SGMS1: variants seen among roughly 807,000 people sequenced by gnomAD.
The protein encoded by SGMS1 is phosphatidylcholine:ceramide cholinephosphotransferase 1.
A neutral mutation model predicts 46.2 loss-of-function variants in SGMS1; 13 were observed. The observed-to-expected ratio is 0.28, with a 90% confidence interval of 0.18 to 0.45. SGMS1 has a LOEUF of 0.45. SGMS1 is among the 20% of genes least tolerant of loss of function. The probability of loss-of-function intolerance (pLI) is 1.00; values close to 1 mark genes in which losing one functional copy is unlikely to be tolerated. For missense variants in SGMS1, 324 were observed against 519.9 expected (o/e 0.62, Z 3.66); for synonymous variants, 203 against 187.8 (o/e 1.08, Z -0.66).
intron 3 of SGMS1, among the ~76,000 whole-genome samples, chr10:50,472,341 C>T (rs912346360): frequency 6.6e-6 from 1 of 152,120 alleles, no homozygotes; most frequent in African/African-American, 2.4e-5. Flanking sequence ...CTCTCCATCC[C>T]CTTCTCCCCT....
intron 2 of SGMS1, among the ~76,000 whole-genome samples, chr10:50,565,773 AG>A (rs1319443235): frequency 6.6e-6 from 1 of 152,304 alleles, no homozygotes; most frequent in East Asian, 1.9e-4. Flanking sequence ...AGTGGAGGTT[AG>A]GGGGCAACCT....
intron 6 of SGMS1, among the ~76,000 whole-genome samples, chr10:50,415,438 G>C (rs922919850): frequency 5.9e-5 from 9 of 152,108 alleles, no homozygotes; most frequent in African/African-American, 2.2e-4. Flanking sequence ...ACTTTTCCAA[G>C]ATTACTCCCA....
intron 6 of SGMS1, among the ~76,000 whole-genome samples, chr10:50,386,275 G>C (rs1564897909): frequency 6.6e-6 from 1 of 152,052 alleles, no homozygotes. Context: ...CTCAACTTTG[G>C]AAACACATGC....
rs142171951 is a variant in SGMS1 at position 50,422,212 on chromosome 10, C to T, written c.-232+11264G>A. Among the ~76,000 whole-genome samples, 54 of 152,222 alleles carry T rather than the reference C, an allele frequency of 3.5e-4. 1 individual carries two copies. The highest frequency in any genetic ancestry group is 1.3e-3 in the African/African-American group (52 of 41,540). ...ACAGTGGAAATCCATCTGAGGTAGACGTGTTTCCGAGCATCTGTATCCCCC... is the reference window on the plus strand; with the variant it reads ...ACAGTGGAAATCCATCTGAGGTAGATGTGTTTCCGAGCATCTGTATCCCCC... On this transcript the variant is annotated intron_variant, in intron 6 of 10. Transcript: ENST00000361781.
chr10:50,511,588 G>A lies in SGMS1; in HGVS notation c.-498+8243C>T, dbSNP rs1481276974. 2.0e-5 allele frequency among the ~76,000 whole-genome samples: 3 copies of A among 152,178 alleles called. 1 individual carries two copies. The highest frequency in any genetic ancestry group is 4.4e-5 in the Non-Finnish European group (3 of 68,034). On this transcript the variant is annotated intron_variant, in intron 3 of 10. Transcript: ENST00000361781. Reference sequence around the variant, plus strand: ...ATACAGAGTTGGCAATTATCCATGTGATGTTACCTTAGGACACCCATAGGC... The same window carrying A: ...ATACAGAGTTGGCAATTATCCATGTAATGTTACCTTAGGACACCCATAGGC...
At position 50,427,202 on chromosome 10, in the gene SGMS1, T is replaced by A. The variant is rs976230109; in HGVS notation, c.-232+6274A>T. Among the ~76,000 whole-genome samples, 4 of 152,142 alleles carry A rather than the reference T, an allele frequency of 2.6e-5. No individual in the cohort carries two copies. In the East Asian group the frequency reaches 7.7e-4, roughly 29 times the overall value. On this transcript the variant is annotated intron_variant, in intron 6 of 10. Coordinates refer to ENST00000361781, the MANE Select transcript of SGMS1 (RefSeq NM_147156.4). ...TCACGAGGTCAGGAGATAGAGACAA[T>A]CCTGGCTAACATGTTGAAACCCCGT...
At chr10:50,608,210 A>G (rs1350383462) in intron 1 of SGMS1, among the ~76,000 whole-genome samples, 1 of 152,252 alleles carries the variant, frequency 6.6e-6, no homozygotes, top group East Asian at 1.9e-4. Context: ...CATTTGGTGA[A>G]CATCTAATAT....
intron 6 of SGMS1, among the ~76,000 whole-genome samples, chr10:50,374,397 T>A (rs1372413057): frequency 6.6e-6 from 1 of 152,062 alleles, no homozygotes; most frequent in Non-Finnish European, 1.5e-5. Flanking sequence ...AGCTGGTGAG[T>A]ACATATGAGA....
chr10:50,548,565 A>T (rs909730723), intron 2 of SGMS1, among the ~76,000 whole-genome samples: 1 of 152,192 alleles, frequency 6.6e-6, no homozygotes, highest in African/African-American at 2.4e-5. Context: ...TTAACTCAGG[A>T]TGGATTAAAA....
chr10:50,357,055 C>T (rs1411596761), intron 6 of SGMS1, among the ~76,000 whole-genome samples: 3 of 151,274 alleles, frequency 2.0e-5, no homozygotes, highest in African/African-American at 4.9e-5. Flanking sequence ...ATACCTGTAC[C>T]CTAAAACTTA....
At chr10:50,344,804 G>C (rs1448054230) in intron 6 of SGMS1, among the ~76,000 whole-genome samples, 1 of 151,804 alleles carries the variant, frequency 6.6e-6, no homozygotes, top group Admixed American at 6.6e-5. Context: ...CCCGGGAGGC[G>C]GAGCTTGCAG....
intron 6 of SGMS1, among the ~76,000 whole-genome samples, chr10:50,391,887 T>C (rs910765058): frequency 1.4e-5 from 2 of 142,896 alleles, no homozygotes. Flanking sequence ...TGCAGCAACA[T>C]GGATGGAGCT....
chr10:50,617,881 A>AT (rs1232490399), intron 1 of SGMS1, among the ~76,000 whole-genome samples: 1,752 of 134,268 alleles, frequency 0.013, 20 homozygotes, highest in East Asian at 0.04. Context: ...CCCTGGCTTA[A>AT]TTTTTTTTTT....
At chr10:50,618,353 G>A (rs1320528201) in intron 1 of SGMS1, among the ~76,000 whole-genome samples, 4 of 152,102 alleles carry the variant, frequency 2.6e-5, no homozygotes, top group Non-Finnish European at 5.9e-5. Flanking sequence ...TTAATGGACT[G>A]GGGCTATATC....
intron 2 of SGMS1, among the ~76,000 whole-genome samples, chr10:50,534,306 T>C (rs1837980599): frequency 6.6e-6 from 1 of 152,204 alleles, no homozygotes; most frequent in African/African-American, 2.4e-5. Flanking sequence ...AGTTAAAATA[T>C]AGTACTGGGC....
chr10:50,338,984 T>C (rs1847766052), intron 7 of SGMS1, among the ~76,000 whole-genome samples: 1 of 152,132 alleles, frequency 6.6e-6, no homozygotes, highest in South Asian at 2.1e-4. Flanking sequence ...GTGATCCACT[T>C]GCCTCTGCCT....
chr10:50,496,595 G>A (rs1159491085), intron 3 of SGMS1, among the ~76,000 whole-genome samples: 3 of 152,174 alleles, frequency 2.0e-5, no homozygotes, highest in Non-Finnish European at 2.9e-5. Flanking sequence ...TATATTCCAA[G>A]TAGGAACAGA....
chr10:50,360,377 C>T (rs569304461), intron 6 of SGMS1, among the ~76,000 whole-genome samples: 1 of 152,320 alleles, frequency 6.6e-6, no homozygotes, highest in Non-Finnish European at 1.5e-5. Context: ...ATCCATCCAT[C>T]CAGGCTGCTG....
At chr10:50,407,493 T>A (rs1404409600) in intron 6 of SGMS1, among the ~76,000 whole-genome samples, 2 of 152,182 alleles carry the variant, frequency 1.3e-5, no homozygotes, top group Non-Finnish European at 2.9e-5. Flanking sequence ...ATCTTTGATA[T>A]CCTTTCTGGT....
Sources: allele counts gnomAD v4.1 joint callset (sites outside exome capture counted in the v4.1 genomes callset), GRCh38; gene constraint gnomAD v4.1.1; transcripts MANE v1.5; gene names NCBI Gene and HGNC (gene_info 2026-07-23, HGNC 2026-07-21).